NEMP2: variants seen among roughly 807,000 people sequenced by gnomAD.
NEMP2 encodes the protein UPF0571 transmembrane protein.
A neutral mutation model predicts 54.2 loss-of-function variants in NEMP2; 53 were observed. That is an observed-to-expected ratio of 0.98 (90% CI 0.78 to 1.23). NEMP2 has a LOEUF of 1.23. NEMP2 is among the 50% of genes most tolerant of loss of function. The probability of loss-of-function intolerance (pLI) is 0.00; values close to 1 mark genes in which losing one functional copy is unlikely to be tolerated. For synonymous variants in NEMP2, 197 were observed against 190.3 expected (o/e 1.04, Z -0.29); for missense variants, 455 against 511.3 (o/e 0.89, Z 1.06).
chr2:190,546,310 A>G, the NEMP2 span, among the ~76,000 whole-genome samples: 1 of 152,196 alleles, frequency 6.6e-6, no homozygotes, highest in Non-Finnish European at 1.5e-5. The surrounding 1 kb of genome is among the most constrained non-coding windows in gnomAD (Gnocchi z 5.1). Context: ...CAGTATAACA[A>G]CAATTTGCTT....
chr2:190,542,384 G>A, the NEMP2 span, among the ~76,000 whole-genome samples: 3 of 152,068 alleles, frequency 2.0e-5, no homozygotes. This position sits in a 1 kb window ranked among gnomAD's most constrained non-coding sequence, Gnocchi z 4.6. Flanking sequence ...GCTGAGTTTT[G>A]TATTTTTGGT....
chr2:190,615,637 C>T, the NEMP2 span, among the ~76,000 whole-genome samples: 1 of 152,332 alleles, frequency 6.6e-6, no homozygotes, highest in East Asian at 1.9e-4. This position sits in a 1 kb window ranked among gnomAD's most constrained non-coding sequence, Gnocchi z 4.7. Context: ...ATCCTCTCCC[C>T]TCCCGAGAGA....
chr2:190,469,783 A>G, the NEMP2 span: 2 of 1,606,316 alleles, frequency 1.2e-6, no homozygotes. This position sits in a 1 kb window ranked among gnomAD's most constrained non-coding sequence, Gnocchi z 5.3. Context: ...CCTGGCCTGC[A>G]ATACGGCTCG....
chr2:190,534,767 C>T (rs1691310459), upstream of NEMP2: 2 of 806,112 alleles, frequency 2.5e-6, no homozygotes, highest in Non-Finnish European at 3.3e-6. Flanking sequence ...GAGGCCCGAA[C>T]GCGGGAAAGG....
chr2:190,511,398 A>T (rs1200818065), intron 7 of NEMP2, among the ~76,000 whole-genome samples: 1 of 152,132 alleles, frequency 6.6e-6, no homozygotes, highest in Non-Finnish European at 1.5e-5. Flanking sequence ...TGACGAGTGG[A>T]TCATGATTAG....
chr2:190,459,790 G>C, the NEMP2 span, among the ~76,000 whole-genome samples: 2 of 152,198 alleles, frequency 1.3e-5, no homozygotes, highest in African/African-American at 2.4e-5. This position sits in a 1 kb window ranked among gnomAD's most constrained non-coding sequence, Gnocchi z 5.3. Context: ...ATGATTTCCA[G>C]CTAGTAGAGA....
At chr2:190,421,484 A>G in the NEMP2 span, among the ~76,000 whole-genome samples, 1 of 23,038 alleles carries the variant, frequency 4.3e-5, no homozygotes, top group East Asian at 1.4e-3. Context: ...AAAAATGAAC[A>G]TGTTTACAAG....
the NEMP2 span, among the ~76,000 whole-genome samples, chr2:190,566,674 G>T: frequency 6.7e-6 from 1 of 148,226 alleles, no homozygotes; most frequent in African/African-American, 2.5e-5. Flanking sequence ...GGGAAGAGAA[G>T]GGGAGGAAGA....
At chr2:190,511,029 G>T (rs1236215681) in intron 7 of NEMP2, among the ~76,000 whole-genome samples, 1 of 152,080 alleles carries the variant, frequency 6.6e-6, no homozygotes, top group African/African-American at 2.4e-5. Context: ...GCCTAATAGT[G>T]TATTTCCCCA....
the NEMP2 span, among the ~76,000 whole-genome samples, chr2:190,468,829 A>G: frequency 6.6e-6 from 1 of 152,024 alleles, no homozygotes; most frequent in Non-Finnish European, 1.5e-5. Flanking sequence ...TATTTCTTTT[A>G]CCTTTTACTT....
At chr2:190,465,850 G>A in the NEMP2 span, among the ~76,000 whole-genome samples, 10 of 152,148 alleles carry the variant, frequency 6.6e-5, no homozygotes, top group East Asian at 5.8e-4. This position sits in a 1 kb window ranked among gnomAD's most constrained non-coding sequence, Gnocchi z 4.6. Flanking sequence ...AAAATTAGCC[G>A]GGCCTGGTAG....
chr2:190,488,603 A>C, the NEMP2 span: 1 of 1,366,462 alleles, frequency 7.3e-7, no homozygotes, highest in Non-Finnish European at 9.6e-7. The surrounding 1 kb of genome is among the most constrained non-coding windows in gnomAD (Gnocchi z 6.4). Flanking sequence ...TTCAAAACAG[A>C]GTAGCCTAAG....
At chr2:190,623,757 A>C in the NEMP2 span, among the ~76,000 whole-genome samples, 1 of 152,220 alleles carries the variant, frequency 6.6e-6, no homozygotes, top group Non-Finnish European at 1.5e-5. Flanking sequence ...GTCTAGGCAA[A>C]GATTTTTTGG....
the NEMP2 span, among the ~76,000 whole-genome samples, chr2:190,488,041 T>G: frequency 6.6e-6 from 1 of 152,178 alleles, no homozygotes; most frequent in African/African-American, 2.4e-5. The surrounding 1 kb of genome is among the most constrained non-coding windows in gnomAD (Gnocchi z 6.4). Context: ...TAGCTGGGAC[T>G]ATAGGCGTGC....
the NEMP2 span, chr2:190,607,958 T>C: frequency 6.6e-6 from 1 of 152,352 alleles, no homozygotes; most frequent in African/African-American, 2.4e-5. This position sits in a 1 kb window ranked among gnomAD's most constrained non-coding sequence, Gnocchi z 5.2. Context: ...GTACTTTTGC[T>C]TTCTGCAGTT....
chr2:190,624,087 A>T, the NEMP2 span, among the ~76,000 whole-genome samples: 1 of 152,182 alleles, frequency 6.6e-6, no homozygotes, highest in Admixed American at 6.5e-5. Context: ...GTTGGAGACA[A>T]GCCTGAGCAA....
the NEMP2 span, among the ~76,000 whole-genome samples, chr2:190,450,526 T>C: frequency 1.6e-5 from 2 of 121,290 alleles, no homozygotes; most frequent in South Asian, 5.7e-4. Flanking sequence ...GGGGTCTCAC[T>C]CTGTCTCCCA....
In NEMP2 at chr2:190,512,687, G is replaced by A. The variant is rs1690409375; in HGVS notation, c.953+1766C>T. 6.6e-6 allele frequency among the ~76,000 whole-genome samples: 1 copy of A among 152,224 alleles called. No homozygotes were observed. Among genetic ancestry groups the A allele is most frequent in the Admixed American group, 6.5e-5 (1 of 15,290 alleles). The stretch of plus-strand genomic sequence containing the variant: ...CTATCCTGAGTTCCTCAGGCCACAA[G>A]CCTGGCAAAGGGCCAGGGACCTGGA... On this transcript the variant is annotated intron_variant, in intron 7 of 8. Transcript: ENST00000409150. The surrounding 1 kb of genome is among the most constrained non-coding windows in gnomAD (Gnocchi z 4.5).
upstream of NEMP2, among the ~76,000 whole-genome samples, chr2:190,537,838 T>C (rs185268902): frequency 6.6e-6 from 1 of 152,320 alleles, no homozygotes; most frequent in Non-Finnish European, 1.5e-5. Context: ...CTCCAGGGCA[T>C]GTCGGAGACC....
Sources: gnomAD v4.1 joint callset for allele counts (sites outside exome capture counted in the v4.1 genomes callset) on GRCh38, gnomAD v4.1.1 for gene constraint, Gnocchi (gnomAD v3.1) non-coding constraint, MANE v1.5 for transcripts, NCBI Gene and HGNC (gene_info 2026-07-23, HGNC 2026-07-21) for gene names.